Variants in ELMO1 observed in about 807,000 individuals in gnomAD.
ELMO1 encodes the protein engulfment and cell motility 1, also known as engulfment and cell motility protein 1.
In ELMO1, 26 loss-of-function variants were observed where a neutral mutation model predicts 98.9. That is an observed-to-expected ratio of 0.26 (90% CI 0.19 to 0.36). The LOEUF (loss-of-function observed/expected upper bound fraction) is 0.36. Among genes scored for constraint, ELMO1 ranks in the 10% least tolerant of loss-of-function variants. The pLI is 1.00. For synonymous variants in ELMO1, 346 were observed against 346.0 expected (o/e 1.00, Z 0.00); for missense variants, 627 against 935.2 (o/e 0.67, Z 4.30).
chr7:37,012,336 T>C (rs1793619167), intron 16 of ELMO1, among the ~76,000 whole-genome samples: 1 of 152,160 alleles, frequency 6.6e-6, no homozygotes, highest in African/African-American at 2.4e-5. Flanking sequence ...AACAAGTATA[T>C]TAAGTGCAGG....
At chr7:37,360,323 G>A (rs1801653526) in intron 1 of ELMO1, among the ~76,000 whole-genome samples, 2 of 151,812 alleles carry the variant, frequency 1.3e-5, no homozygotes, top group African/African-American at 4.8e-5. Flanking sequence ...AGCTTATTAT[G>A]GCAAAGAACC....
At chr7:36,987,441 G>T (rs545411957) in intron 16 of ELMO1, among the ~76,000 whole-genome samples, 3 of 152,074 alleles carry the variant, frequency 2.0e-5, no homozygotes, top group African/African-American at 4.8e-5. Flanking sequence ...GTCACAGAAG[G>T]CACCGATTTG....
chr7:37,421,002 T>G (rs976742790), intron 1 of ELMO1, among the ~76,000 whole-genome samples: 1 of 152,234 alleles, frequency 6.6e-6, no homozygotes, highest in Non-Finnish European at 1.5e-5. Context: ...CAAACCTGCT[T>G]CTGCCATGCA....
intron 5 of ELMO1, among the ~76,000 whole-genome samples, chr7:37,265,379 T>C (rs1354806132): frequency 1.3e-5 from 2 of 152,122 alleles, no homozygotes; most frequent in African/African-American, 4.8e-5. Flanking sequence ...AAATCTCTAA[T>C]ATCTCCCATC....
intron 20 of ELMO1, among the ~76,000 whole-genome samples, chr7:36,867,228 T>A (rs1026236775): frequency 2.6e-5 from 4 of 152,146 alleles, no homozygotes; most frequent in African/African-American, 9.7e-5. Context: ...TCATCATCCA[T>A]CCTATGTTTT....
intron 16 of ELMO1, among the ~76,000 whole-genome samples, chr7:36,943,109 C>T (rs903599716): frequency 2.0e-5 from 3 of 152,160 alleles, no homozygotes; most frequent in African/African-American, 4.8e-5. Flanking sequence ...TGCCTCATTC[C>T]CTTTGAGCTC....
chr7:37,395,121 T>C (rs1181168829), intron 1 of ELMO1, among the ~76,000 whole-genome samples: 1 of 152,076 alleles, frequency 6.6e-6, no homozygotes, highest in Non-Finnish European at 1.5e-5. Context: ...ATCCCAGCAC[T>C]ATGGGAGGCC....
chr7:37,156,374 A>T (rs1273930466), intron 13 of ELMO1, among the ~76,000 whole-genome samples: 1 of 152,228 alleles, frequency 6.6e-6, no homozygotes, highest in African/African-American at 2.4e-5. Context: ...AAAATCAATG[A>T]ATCCAGGAGC....
chr7:37,166,167 G>C (rs1020564485), intron 13 of ELMO1, among the ~76,000 whole-genome samples: 1 of 152,168 alleles, frequency 6.6e-6, no homozygotes, highest in Non-Finnish European at 1.5e-5. Context: ...TTGTATTTCT[G>C]TGGGATTGGT....
intron 13 of ELMO1, among the ~76,000 whole-genome samples, chr7:37,171,646 C>T (rs111602127): frequency 6.6e-6 from 1 of 152,024 alleles, no homozygotes; most frequent in African/African-American, 2.4e-5. Flanking sequence ...GCGCCCACCA[C>T]CATGCCCAGC....
chr7:37,373,102 G>A (rs1349353650), intron 1 of ELMO1, among the ~76,000 whole-genome samples: 1 of 152,222 alleles, frequency 6.6e-6, no homozygotes, highest in Non-Finnish European at 1.5e-5. Context: ...TGCCTTGAGA[G>A]TCAGCATTTC....
At chr7:37,087,126 A>G (rs1323388963) in intron 15 of ELMO1, among the ~76,000 whole-genome samples, 4 of 152,034 alleles carry the variant, frequency 2.6e-5, no homozygotes, top group Non-Finnish European at 5.9e-5. Flanking sequence ...TTTCCATTTT[A>G]TAATTATTGC....
intron 16 of ELMO1, among the ~76,000 whole-genome samples, chr7:36,994,101 T>C (rs1792043801): frequency 6.6e-6 from 1 of 152,232 alleles, no homozygotes; most frequent in East Asian, 1.9e-4. Flanking sequence ...CAATTTAACA[T>C]GTCGCCCTGT....
chr7:36,974,241 T>C (rs1458933423), intron 16 of ELMO1, among the ~76,000 whole-genome samples: 1 of 152,222 alleles, frequency 6.6e-6, no homozygotes, highest in African/African-American at 2.4e-5. Context: ...TATGTCTAGC[T>C]CAGGGATGGT....
intron 14 of ELMO1, among the ~76,000 whole-genome samples, chr7:37,126,355 C>T (rs891342553): frequency 6.9e-6 from 1 of 145,976 alleles, no homozygotes; most frequent in Non-Finnish European, 1.5e-5. Flanking sequence ...TTTTATTTAT[C>T]ACATAGCACC....
At chr7:36,862,503 C>G (rs1348914335) in intron 20 of ELMO1, among the ~76,000 whole-genome samples, 1 of 152,238 alleles carries the variant, frequency 6.6e-6, no homozygotes, top group Non-Finnish European at 1.5e-5. Flanking sequence ...CCAAGGCACT[C>G]AGTGCCATGT....
intron 1 of ELMO1, among the ~76,000 whole-genome samples, chr7:37,394,941 A>G (rs986544610): frequency 1.3e-5 from 2 of 152,218 alleles, no homozygotes. Context: ...TCATGGATGA[A>G]TATCATGGAA....
At chr7:37,398,089 C>G (rs1416699206) in intron 1 of ELMO1, among the ~76,000 whole-genome samples, 2 of 152,148 alleles carry the variant, frequency 1.3e-5, no homozygotes, top group African/African-American at 2.4e-5. Flanking sequence ...TTGATAGGTG[C>G]AGCAAACCAC....
chr7:37,236,402 G>A (rs1794464211), intron 7 of ELMO1, among the ~76,000 whole-genome samples: 1 of 152,190 alleles, frequency 6.6e-6, no homozygotes, highest in South Asian at 2.1e-4. Context: ...TAGTGGGAAT[G>A]ATTGGTAAGT....
Sources: gnomAD v4.1 joint callset for allele counts (sites outside exome capture counted in the v4.1 genomes callset) on GRCh38, gnomAD v4.1.1 for gene constraint, MANE v1.5 for transcripts, NCBI Gene and HGNC (gene_info 2026-07-23, HGNC 2026-07-21) for gene names.